ANKRA2: variants seen among roughly 807,000 people sequenced by gnomAD.
ANKRA2 encodes the protein ankyrin repeat family A protein 2.
Under a neutral mutation model 37.8 loss-of-function variants are expected in ANKRA2, and 33 were observed. The observed-to-expected ratio is 0.87, with a 90% CI of 0.66 to 1.17. ANKRA2 has a LOEUF of 1.17. Among genes scored for constraint, ANKRA2 ranks in the 50% most tolerant of loss-of-function variants. The probability of loss-of-function intolerance (pLI) is 0.00; values close to 1 mark genes in which losing one functional copy is unlikely to be tolerated. For synonymous variants in ANKRA2, 126 were observed against 132.3 expected, an observed-to-expected ratio of 0.95 and a Z score of 0.33; for missense variants, 326 against 373.7, an observed-to-expected ratio of 0.87 and a Z score of 1.05.
intron 3 of ANKRA2, among the ~76,000 whole-genome samples, chr5:73,559,741 T>C (rs2112017872): frequency 6.6e-6 from 1 of 152,298 alleles, no homozygotes; most frequent in East Asian, 1.9e-4. Context: ...CAGAGAAATA[T>C]AACACATGAA....
intron 3 of ANKRA2, among the ~76,000 whole-genome samples, chr5:73,558,094 C>T (rs1036564363): frequency 6.6e-6 from 1 of 152,146 alleles, no homozygotes; most frequent in African/African-American, 2.4e-5. Context: ...TACAAGTACT[C>T]ATTCTGTATC....
intron 2 of ANKRA2, among the ~76,000 whole-genome samples, chr5:73,562,299 G>A (rs1747578620): frequency 1.3e-5 from 2 of 152,172 alleles, no homozygotes; most frequent in African/African-American, 4.8e-5. Flanking sequence ...TTACAGGCAT[G>A]AGCCACTGTG....
At chr5:73,563,091 T>C (rs963513031) in intron 1 of ANKRA2, 106 bp from the exon 2 acceptor site, 2 of 465,426 alleles carry the variant, frequency 4.3e-6, no homozygotes, top group Non-Finnish European at 7.5e-6. Flanking sequence ...TGAAAGCACC[T>C]ACACATAATA....
At chr5:73,562,571 T>C (rs377077998) in intron 2 of ANKRA2, 22 bp downstream of exon 2, 3 of 1,576,526 alleles carry the variant, frequency 1.9e-6, no homozygotes, top group African/African-American at 1.4e-5. Flanking sequence ...CAAATGCAGA[T>C]ATTTATACCA....
chr5:73,557,560 T>A lies in ANKRA2; in HGVS notation c.514+15A>T. On this transcript the variant is annotated intron_variant, in intron 4 of 8. Coordinates refer to ENST00000296785, the MANE Select transcript of ANKRA2 (RefSeq NM_023039.5). ...CCTATTGAATTTGTTTAAATATTTT[T>A]AAATAGGCTATTACCTTGTTCGATA... The A allele has an allele frequency of 6.5e-7, 1 of 1,548,416 alleles. No individual in the cohort carries two copies. The highest frequency in any genetic ancestry group is 8.8e-7 in the Non-Finnish European group (1 of 1,134,180).
intron 3 of ANKRA2, among the ~76,000 whole-genome samples, chr5:73,559,097 G>C (rs928559242): frequency 1.3e-5 from 2 of 152,158 alleles, no homozygotes; most frequent in African/African-American, 4.8e-5. Context: ...AGAAGGAAAA[G>C]CAATTGGTGT....
Position 73,565,578 on chromosome 5 carries a change from G to T in ANKRA2, c.-551C>A. 4.0e-6 allele frequency: 1 copy of T among 252,942 alleles called. No individual in the cohort carries two copies. The highest frequency in any genetic ancestry group is 8.2e-6 in the Non-Finnish European group (1 of 122,572). 15.7% of individuals were successfully genotyped at this position (252,942 alleles called of 1,614,324 possible). A position where few individuals can be genotyped will look rare whatever the true frequency, so the allele number is the denominator to read the frequency against. On this transcript the variant is annotated 5_prime_UTR_variant, in exon 1 of 9. Transcript: ENST00000296785. ...TTTACGCTCCGAGGCCCATCCTGCC[G>T]GAGTACTACACAGACAGGGTCATTT...
chr5:73,553,358 T>C lies in ANKRA2; in HGVS notation c.886+48A>G, dbSNP rs1580375114. On this transcript the variant is annotated intron_variant, in intron 8 of 8. Transcript: ENST00000296785. ...TGGTTTGGAGTACTGGCTTATACTATTTACAGAGCTTTACTAAGATGAGAC... is the reference window on the plus strand; with the variant it reads ...TGGTTTGGAGTACTGGCTTATACTACTTACAGAGCTTTACTAAGATGAGAC... The C allele has an allele frequency of 2.8e-6, 4 of 1,438,094 alleles. No individual in the cohort carries two copies. The Admixed American group carries it at 7.1e-5, about 26-fold the overall frequency. 89.1% of individuals were successfully genotyped at this position (1,438,094 alleles called of 1,614,324 possible). A position where few individuals can be genotyped will look rare whatever the true frequency, so the allele number is the denominator to read the frequency against.
At chr5:73,555,117 AC>A in intron 5 of ANKRA2, 131 bp from the exon 6 acceptor site, 1 of 1,447,608 alleles carries the variant, frequency 6.9e-7, no homozygotes, top group Non-Finnish European at 9.0e-7. Context: ...AATAATGGAA[AC>A]TTTTACTCAT....
chr5:73,557,019 C>T (rs1257521874), intron 4 of ANKRA2, among the ~76,000 whole-genome samples: 4 of 149,182 alleles, frequency 2.7e-5, no homozygotes, highest in African/African-American at 4.9e-5. Context: ...CACCCTTTGA[C>T]CCAGCAAATC....
At chr5:73,558,851 T>A (rs1020535661) in intron 3 of ANKRA2, among the ~76,000 whole-genome samples, 1 of 152,196 alleles carries the variant, frequency 6.6e-6, no homozygotes, top group Non-Finnish European at 1.5e-5. Context: ...AATTCTTGAG[T>A]GTAGGCCTAG....
At chr5:73,555,380 TTTTGG>T in intron 5 of ANKRA2, 103 bp downstream of exon 5, 1 of 1,479,660 alleles carries the variant, frequency 6.8e-7, no homozygotes. Context: ...ATTAAACTTT[TTTTGG>T]TAGCCTCTAC....
intron 7 of ANKRA2, 112 bp from the exon 8 acceptor site, chr5:73,553,598 A>G: frequency 1.1e-6 from 1 of 909,070 alleles, no homozygotes; most frequent in Non-Finnish European, 1.7e-6. Context: ...AGAATGTTTT[A>G]GGATAGTCTG....
intron 3 of ANKRA2, among the ~76,000 whole-genome samples, chr5:73,558,948 T>C (rs748394235): frequency 2.6e-4 from 40 of 152,362 alleles, no homozygotes; most frequent in Middle Eastern, 6.8e-3. Flanking sequence ...CTTAGGTGTT[T>C]GTTTTTAGCT....
chr5:73,561,114 A>G lies in ANKRA2; in HGVS notation c.448+16T>C, dbSNP rs1747539332. 6.3e-7 allele frequency: 1 copy of G among 1,595,826 alleles called. No individual in the cohort carries two copies. Among genetic ancestry groups the G allele is most frequent in the Non-Finnish European group, 8.5e-7 (1 of 1,170,678 alleles). On this transcript the variant is annotated intron_variant, in intron 3 of 8. Coordinates refer to ENST00000296785, the MANE Select transcript of ANKRA2 (RefSeq NM_023039.5). Reference sequence around the variant, plus strand: ...TACATTAAGAATATAGTAATACATCAGTGGCAAATACTTACAATTTGCTAA... The same window carrying G: ...TACATTAAGAATATAGTAATACATCGGTGGCAAATACTTACAATTTGCTAA...
rs1747377871 is a variant in ANKRA2 at position 73,555,569 on chromosome 5, G to T, written c.531C>A (p.His177Gln). ...TRIEQENVINHTDEEGFTPLM... is the reference protein window; with the variant it reads ...TRIEQENVINQTDEEGFTPLM... ...GAGGAGTAAATCCTTCTTCATCCGT[G>T]TGATTGATAACATTTTCTATTTAAA... is the stretch of plus-strand genomic sequence containing the variant. Residue 177 changes from histidine to glutamine, a missense_variant, in exon 5 of 9, where the codon CAC becomes CAA. This residue lies in a region of ANKRA2 where 228 missense variants were observed against 260.2 expected (regional missense o/e 0.88). Transcript: ENST00000296785. The T allele has an allele frequency of 1.2e-6, 2 of 1,613,678 alleles. No individual in the cohort carries two copies. The highest frequency in any genetic ancestry group is 1.7e-6 in the Non-Finnish European group (2 of 1,179,840).
chr5:73,553,535 GTT>G lies in ANKRA2; in HGVS notation c.806-51_806-50del, dbSNP rs771544228. On this transcript the variant is annotated intron_variant, in intron 7 of 8. Transcript: ENST00000296785. ...ATAAATGAAATGAAAATGCAGATAT[GTT>G]TGTCTGTTATTGGCTCATGTACAAA... 8 of 1,471,890 alleles carry G rather than the reference GTT, an allele frequency of 5.4e-6. No homozygotes were observed. The South Asian group carries it at 9.2e-5, about 17-fold the overall frequency. The allele number at this position is 1,471,890 out of a possible 1,614,324, so 91.2% of individuals were successfully genotyped here. A position where few individuals can be genotyped will look rare whatever the true frequency, so the allele number is the denominator to read the frequency against.
intron 2 of ANKRA2, 125 bp from the exon 3 acceptor site, chr5:73,561,413 T>A: frequency 1.1e-6 from 1 of 932,082 alleles, no homozygotes; most frequent in Non-Finnish European, 1.6e-6. Context: ...CAAGTGATAC[T>A]AAATTGTTTT....
chr5:73,558,094 C>G (rs1036564363), intron 3 of ANKRA2, among the ~76,000 whole-genome samples: 1 of 152,032 alleles, frequency 6.6e-6, no homozygotes, highest in African/African-American at 2.4e-5. Context: ...TACAAGTACT[C>G]ATTCTGTATC....
Sources: gnomAD v4.1 joint callset for allele counts (sites outside exome capture counted in the v4.1 genomes callset) on GRCh38, gnomAD v4.1.1 for gene constraint, gnomAD v4.1.1 regional missense constraint, MANE v1.5 for transcripts, NCBI Gene and HGNC (gene_info 2026-07-23, HGNC 2026-07-21) for gene names.